The following CDCA2 variants were observed in gnomAD, a reference collection of about 807,000 sequenced individuals.
CDCA2 encodes cell division cycle-associated protein 2.
A neutral mutation model predicts 67.0 loss-of-function variants in CDCA2; 44 were observed. The observed-to-expected ratio is 0.66, with a 90% CI of 0.52 to 0.84. The LOEUF (loss-of-function observed/expected upper bound fraction) is 0.84. Ranked by LOEUF, CDCA2 falls within the 40% of genes least tolerant of loss-of-function variation. The probability of loss-of-function intolerance (pLI) is 0.00; values close to 1 mark genes in which losing one functional copy is unlikely to be tolerated. For synonymous variants in CDCA2, 447 were observed against 418.7 expected, an observed-to-expected ratio of 1.07 and a Z score of -0.82; for missense variants, 1,253 against 1,203.2, an observed-to-expected ratio of 1.04 and a Z score of -0.61.
At chr8:25,505,030 ATT>A (rs1804622944) in intron 14 of CDCA2, among the ~76,000 whole-genome samples, 1 of 152,096 alleles carries the variant, frequency 6.6e-6, no homozygotes, top group Non-Finnish European at 1.5e-5. Flanking sequence ...TACCTAAAGC[ATT>A]TTTTGTCTGT....
chr8:25,460,520 A>T lies in CDCA2; in HGVS notation c.198A>T (p.Gly66=). The change falls in exon 3 of 15, where the codon GGA becomes GGT. Residue 66 remains glycine (G), a synonymous_variant. Coordinates refer to ENST00000330560, the MANE Select transcript of CDCA2 (RefSeq NM_152562.4). ...CCACAGTAACCGTAGAGCAATTGGG[A>T]ATTACACCTGAAAGCTTTGTTAGGA... is the stretch of plus-strand genomic sequence containing the variant. ...NFSTVTVEQL[G]ITPESFVRNS... is the part of the protein sequence containing the mutation. The T allele has an allele frequency of 6.2e-7, 1 of 1,614,172 alleles. No individual in the cohort carries two copies. Among genetic ancestry groups the T allele is most frequent in the South Asian group, 1.1e-5 (1 of 91,068 alleles).
Position 25,462,225 on chromosome 8 carries a change from A to G in CDCA2, c.387+17A>G, listed in dbSNP as rs1802723234. 6.2e-7 allele frequency: 1 copy of G among 1,611,990 alleles called. No homozygotes were observed. The highest frequency in any genetic ancestry group is 8.5e-7 in the Non-Finnish European group (1 of 1,178,316). ...CCTTCCCAGGTATGATTTTCTTCTA[A>G]GTTCTGTCGTGAATTCCGTTAATGA... On this transcript the variant is annotated intron_variant, in intron 4 of 14. Transcript: ENST00000330560.
At chr8:25,468,794 C>T (rs114378056) in intron 6 of CDCA2, among the ~76,000 whole-genome samples, 157 of 152,204 alleles carry the variant, frequency 1.0e-3, no homozygotes, top group African/African-American at 3.7e-3. Context: ...AAGCAGATGG[C>T]TTCAGTGGAG....
chr8:25,467,041 CAAAAAAAAAAAAA>C lies in CDCA2; in HGVS notation c.538+729_538+741del, dbSNP rs59618544. Among the ~76,000 whole-genome samples, 115 of 49,178 alleles carry C rather than the reference CAAAAAAAAAAAAA, an allele frequency of 2.3e-3. 1 individual carries two copies. The highest frequency in any genetic ancestry group is 0.02 in the Middle Eastern group (1 of 50). 32.3% of individuals were successfully genotyped at this position (49,178 alleles called of 152,430 possible). A position where few individuals can be genotyped will look rare whatever the true frequency, so the allele number is the denominator to read the frequency against. ...TGGGCGAAGAAGTGAGAGTCCCTTT[CAAAAAAAAAAAAA>C]AAAAAAAAAAAACACACACACACAC... On this transcript the variant is annotated intron_variant, in intron 5 of 14. Transcript: ENST00000330560.
intron 5 of CDCA2, among the ~76,000 whole-genome samples, chr8:25,467,505 G>GA (rs1309083791): frequency 6.6e-6 from 1 of 151,594 alleles, no homozygotes; most frequent in African/African-American, 2.4e-5. Context: ...TTTTTAGCTA[G>GA]AAAAAAACAG....
At chr8:25,495,833 A>G (rs2117539494) in intron 13 of CDCA2, among the ~76,000 whole-genome samples, 1 of 152,340 alleles carries the variant, frequency 6.6e-6, no homozygotes, top group South Asian at 2.1e-4. Context: ...AATTTTTCCC[A>G]TCATTAAGAA....
chr8:25,505,436 G>A lies in CDCA2; in HGVS notation c.1844-1074G>A, dbSNP rs566419160. Reference sequence around the variant, plus strand: ...GGCTGGTCTCAAACTCCTGACCTCAGGTAATCCACCTGCCTCGGCCTCCCA... The same window carrying A: ...GGCTGGTCTCAAACTCCTGACCTCAAGTAATCCACCTGCCTCGGCCTCCCA... On this transcript the variant is annotated intron_variant, in intron 14 of 14. Transcript: ENST00000330560. 2.0e-5 allele frequency among the ~76,000 whole-genome samples: 3 copies of A among 152,126 alleles called. No individual in the cohort carries two copies. In the South Asian group the frequency reaches 6.2e-4, roughly 32 times the overall value.
chr8:25,475,284 G>T (rs1022441420), intron 7 of CDCA2, among the ~76,000 whole-genome samples: 4 of 152,186 alleles, frequency 2.6e-5, no homozygotes, highest in Non-Finnish European at 5.9e-5. Flanking sequence ...ACTTCAGGAG[G>T]CCGAGGCAGG....
At chr8:25,494,990 A>G (rs1279151848) in intron 13 of CDCA2, among the ~76,000 whole-genome samples, 1 of 152,230 alleles carries the variant, frequency 6.6e-6, no homozygotes, top group Non-Finnish European at 1.5e-5. Flanking sequence ...TTGCACTGCT[A>G]GCCTCCAGAA....
In CDCA2 at chr8:25,488,453, T is replaced by A. The variant is rs1586506956; in HGVS notation, c.1534-99T>A. On this transcript the variant is annotated intron_variant, in intron 12 of 14. Coordinates refer to ENST00000330560, the MANE Select transcript of CDCA2 (RefSeq NM_152562.4). ...AATTAAGAATAAATGGGATCTAAAG[T>A]GGTAGAAGCATCCTGGGAAGCACAA... The A allele has an allele frequency of 3.6e-6, 4 of 1,101,930 alleles. No individual in the cohort carries two copies. The East Asian group carries it at 1.1e-4, about 30-fold the overall frequency. The allele number at this position is 1,101,930 out of a possible 1,614,324, so 68.3% of individuals were successfully genotyped here.
chr8:25,495,210 A>G (rs1804166209), intron 13 of CDCA2, among the ~76,000 whole-genome samples: 1 of 152,180 alleles, frequency 6.6e-6, no homozygotes, highest in South Asian at 2.1e-4. Flanking sequence ...TGCAAGCTAG[A>G]CTTCGTTAAG....
In CDCA2 at chr8:25,488,474, CACA is replaced by C. The variant is rs1489702427; in HGVS notation, c.1534-73_1534-71del. 1.6e-5 allele frequency: 22 copies of C among 1,342,228 alleles called. No homozygotes were observed. The Admixed American group carries it at 3.8e-4, about 23-fold the overall frequency. The allele number at this position is 1,342,228 out of a possible 1,614,324, so 83.1% of individuals were successfully genotyped here. A position where few individuals can be genotyped will look rare whatever the true frequency, so the allele number is the denominator to read the frequency against. The stretch of plus-strand genomic sequence containing the variant: ...AAAGTGGTAGAAGCATCCTGGGAAG[CACA>C]ACAAGAGTGAGAGCAGCACATTAAC... On this transcript the variant is annotated intron_variant, in intron 12 of 14. Coordinates refer to ENST00000330560, the MANE Select transcript of CDCA2 (RefSeq NM_152562.4).
At position 25,503,399 on chromosome 8, in the gene CDCA2, A is replaced by G. The variant is rs1448695659; in HGVS notation, c.1698A>G (p.Lys566=). The G allele has an allele frequency of 1.2e-6, 2 of 1,613,552 alleles. No individual in the cohort carries two copies. The highest frequency in any genetic ancestry group is 8.5e-7 in the Non-Finnish European group (1 of 1,179,444). The change falls in exon 14 of 15, where the codon AAA becomes AAG. Residue 566 remains lysine, a synonymous_variant. Coordinates refer to ENST00000330560, the MANE Select transcript of CDCA2 (RefSeq NM_152562.4). ...TTTTAAAAAGTTGCAGAAAGAAGAA[A>G]GGAAAGGGAAAGAAAAGTGTTCAGA... ...SQVLKSCRKK[K]GKGKKSVQKS... is the part of the protein sequence containing the mutation.
intron 7 of CDCA2, among the ~76,000 whole-genome samples, chr8:25,478,886 G>GTATATATA (rs772237376): frequency 1.0e-4 from 12 of 119,800 alleles, no homozygotes; most frequent in African/African-American, 3.3e-4. Flanking sequence ...TGTTGTGTGT[G>GTATATATA]TGTATATATA....
intron 13 of CDCA2, among the ~76,000 whole-genome samples, chr8:25,499,606 A>G (rs1804391103): frequency 6.6e-6 from 1 of 152,022 alleles, no homozygotes; most frequent in South Asian, 2.1e-4. Context: ...GCTGGCCTGA[A>G]TTAGTTTTTA....
chr8:25,486,419 T>C (rs1366947437), intron 11 of CDCA2, among the ~76,000 whole-genome samples: 1 of 152,204 alleles, frequency 6.6e-6, no homozygotes, highest in Non-Finnish European at 1.5e-5. Flanking sequence ...CCAAGCCATG[T>C]GTTACTAAGT....
At chr8:25,484,352 T>A in intron 10 of CDCA2, 142 bp downstream of exon 10, 1 of 1,200,838 alleles carries the variant, frequency 8.3e-7, no homozygotes, top group Non-Finnish European at 1.2e-6. Context: ...ATTTTGTATG[T>A]AGGTTTTTAT....
intron 3 of CDCA2, among the ~76,000 whole-genome samples, chr8:25,460,929 T>G (rs1422019443): frequency 6.6e-6 from 1 of 152,038 alleles, no homozygotes; most frequent in African/African-American, 2.4e-5. Context: ...TTAAGAGCAA[T>G]TAAGAAAATA....
intron 7 of CDCA2, chr8:25,472,002 A>G (rs1220419324): frequency 6.6e-6 from 1 of 152,196 alleles, no homozygotes; most frequent in Non-Finnish European, 1.5e-5. Context: ...GAATAAAAAG[A>G]TGTTCCGAGA....
Sources: allele counts gnomAD v4.1 joint callset (sites outside exome capture counted in the v4.1 genomes callset), GRCh38; gene constraint gnomAD v4.1.1; transcripts MANE v1.5; gene names NCBI Gene and HGNC (gene_info 2026-07-23, HGNC 2026-07-21).